Variants in TEAD4 observed in about 807,000 individuals in gnomAD.
TEAD4 encodes the protein TEA domain transcription factor 4.
Under a neutral mutation model 52.4 loss-of-function variants are expected in TEAD4, and 36 were observed. The observed-to-expected ratio is 0.69, with a 90% confidence interval of 0.53 to 0.91. TEAD4 has a LOEUF of 0.91. Ranked by LOEUF, TEAD4 falls within the 40% of genes least tolerant of loss-of-function variation. The pLI, the probability that TEAD4 is intolerant of heterozygous loss-of-function variation, is 0.00. For missense variants in TEAD4, 508 were observed against 583.9 expected (o/e 0.87, Z 1.34); for synonymous variants, 220 against 231.0 (o/e 0.95, Z 0.43).
chr12:2,976,065 G>A (rs1011945423), intron 2 of TEAD4, among the ~76,000 whole-genome samples: 3 of 151,364 alleles, frequency 2.0e-5, no homozygotes, highest in Non-Finnish European at 4.4e-5. Flanking sequence ...GAGTGCAGTG[G>A]CATGATCTTG....
chr12:3,040,054 C>A, intron 11 of TEAD4, 53 bp from the exon 12 acceptor site: 1 of 1,604,802 alleles, frequency 6.2e-7, no homozygotes, highest in South Asian at 1.1e-5. Flanking sequence ...TGGGTCTGGG[C>A]TGGAGGTGGT....
intron 10 of TEAD4, among the ~76,000 whole-genome samples, chr12:3,033,397 C>T (rs978966759): frequency 6.6e-6 from 1 of 152,226 alleles, no homozygotes; most frequent in African/African-American, 2.4e-5. Context: ...CTTCCTCCCC[C>T]AGAGCCCCGC....
At chr12:2,964,159 G>C (rs568846165) in intron 2 of TEAD4, among the ~76,000 whole-genome samples, 5 of 152,184 alleles carry the variant, frequency 3.3e-5, no homozygotes, top group African/African-American at 1.2e-4. Flanking sequence ...CTCCGTGCCG[G>C]TTCTGTGCTG....
At chr12:2,969,173 A>T (rs1281124244) in intron 2 of TEAD4, among the ~76,000 whole-genome samples, 1 of 152,242 alleles carries the variant, frequency 6.6e-6, no homozygotes, top group Admixed American at 6.5e-5. Context: ...CTGGATCGAC[A>T]GTGTTCAGGG....
chr12:2,994,687 C>T lies in TEAD4; in HGVS notation c.-29-51C>T. The T allele has an allele frequency of 6.7e-7, 1 of 1,497,816 alleles. No individual in the cohort carries two copies. The highest frequency in any genetic ancestry group is 8.9e-7 in the Non-Finnish European group (1 of 1,128,474). 92.8% of individuals were successfully genotyped at this position (1,497,816 alleles called of 1,614,324 possible). A position where few individuals can be genotyped will look rare whatever the true frequency, so the allele number is the denominator to read the frequency against. ...TCCCCGGAGTGCCTTCATCCCGTGG[C>T]CCACGCAGTTCTTCCACTGCTCACC... On this transcript the variant is annotated intron_variant, in intron 2 of 12. Coordinates refer to ENST00000359864, the MANE Select transcript of TEAD4 (RefSeq NM_003213.4). This position sits in a 1 kb window ranked among gnomAD's most constrained non-coding sequence, Gnocchi z 4.7.
chr12:3,015,357 T>C (rs947179773), intron 5 of TEAD4, among the ~76,000 whole-genome samples: 3 of 152,226 alleles, frequency 2.0e-5, no homozygotes, highest in Non-Finnish European at 2.9e-5. Context: ...ATCTTAATGA[T>C]CCTACAAGTC....
At chr12:3,002,890 G>C (rs1219949582) in intron 3 of TEAD4, among the ~76,000 whole-genome samples, 2 of 152,120 alleles carry the variant, frequency 1.3e-5, no homozygotes, top group Non-Finnish European at 2.9e-5. Flanking sequence ...AGCCCTCCAG[G>C]GACAATGGTA....
At chr12:3,010,817 C>G (rs1367862652) in intron 3 of TEAD4, among the ~76,000 whole-genome samples, 187 bp from the exon 4 acceptor site, 2 of 152,336 alleles carry the variant, frequency 1.3e-5, no homozygotes, top group East Asian at 3.9e-4. Flanking sequence ...GAGGCCTTGT[C>G]TTCCTCTCGC....
chr12:3,009,209 C>T (rs944135791), intron 3 of TEAD4, among the ~76,000 whole-genome samples: 1 of 152,226 alleles, frequency 6.6e-6, no homozygotes, highest in Non-Finnish European at 1.5e-5. Context: ...GGGTGGATCA[C>T]TTGAGGTCAG....
At chr12:3,003,757 C>T (rs1327776440) in intron 3 of TEAD4, among the ~76,000 whole-genome samples, 3 of 152,170 alleles carry the variant, frequency 2.0e-5, no homozygotes, top group Non-Finnish European at 4.4e-5. Flanking sequence ...CCCAGGCCGG[C>T]CCTGGGGTTG....
intron 2 of TEAD4, among the ~76,000 whole-genome samples, chr12:2,974,095 T>C (rs886993357): frequency 6.6e-6 from 1 of 152,088 alleles, no homozygotes; most frequent in African/African-American, 2.4e-5. Context: ...GCAGCCTCTG[T>C]CTCCCAGGTT....
intron 3 of TEAD4, among the ~76,000 whole-genome samples, chr12:2,996,869 C>T (rs2098247663): frequency 6.6e-6 from 1 of 152,156 alleles, no homozygotes. Flanking sequence ...GCGTGCGCCA[C>T]CACGCTCGGC....
At chr12:2,960,479 G>C (rs1264339201) in intron 2 of TEAD4, 1 of 552,986 alleles carries the variant, frequency 1.8e-6, no homozygotes, top group Non-Finnish European at 2.3e-6. Context: ...GATCGATCCA[G>C]GGAGCAGAAC....
At chr12:2,961,931 A>C (rs1161728613) in intron 2 of TEAD4, among the ~76,000 whole-genome samples, 2 of 152,008 alleles carry the variant, frequency 1.3e-5, no homozygotes, top group Non-Finnish European at 2.9e-5. Context: ...TTAGGAATCC[A>C]GGGTCCTAGT....
intron 2 of TEAD4, among the ~76,000 whole-genome samples, chr12:2,978,822 A>T (rs1363744297): frequency 6.6e-6 from 1 of 152,142 alleles, no homozygotes; most frequent in Admixed American, 6.5e-5. Context: ...GTGAAATAAC[A>T]TGAGATTTGT....
intron 3 of TEAD4, among the ~76,000 whole-genome samples, chr12:3,002,986 C>T (rs954476736): frequency 6.6e-6 from 1 of 152,244 alleles, no homozygotes; most frequent in Non-Finnish European, 1.5e-5. Context: ...CCTTCTCCAG[C>T]CCCAGGTGTT....
At chr12:3,020,875 G>T in intron 9 of TEAD4, 102 bp downstream of exon 9, 1 of 1,290,844 alleles carries the variant, frequency 7.7e-7, no homozygotes, top group African/African-American at 1.5e-5. Flanking sequence ...CTTAATTCAA[G>T]TTCCCTGTTC....
chr12:2,971,176 C>T (rs1181419123), intron 2 of TEAD4, among the ~76,000 whole-genome samples: 1 of 152,180 alleles, frequency 6.6e-6, no homozygotes, highest in Admixed American at 6.5e-5. Context: ...CTAGCAGTAA[C>T]ATACTGCAAG....
rs562093204 is a variant in TEAD4, at chr12:3,006,307, A to G, written c.227-4697A>G. 6.6e-5 allele frequency among the ~76,000 whole-genome samples: 10 copies of G among 152,306 alleles called. No individual in the cohort carries two copies. The East Asian group carries it at 1.9e-3, about 29-fold the overall frequency. ...CAGCTGGCAAGTATATAGTGCAGAT[A>G]GCCCCCAAATTTGAAAAAAACCCCA... is the stretch of plus-strand genomic sequence containing the variant. On this transcript the variant is annotated intron_variant, in intron 3 of 12. Transcript: ENST00000359864.
Sources: gnomAD v4.1 joint callset for allele counts (sites outside exome capture counted in the v4.1 genomes callset) on GRCh38, gnomAD v4.1.1 for gene constraint, Gnocchi (gnomAD v3.1) non-coding constraint, MANE v1.5 for transcripts, NCBI Gene and HGNC (gene_info 2026-07-23, HGNC 2026-07-21) for gene names.